The following ME2 variants were observed in gnomAD, a reference collection of about 807,000 sequenced individuals.
The protein encoded by ME2 is NAD-dependent malic enzyme, mitochondrial.
ME2 carries 60 observed loss-of-function variants against 73.7 expected under a neutral mutation model. The ratio of observed to expected loss-of-function variants is 0.81; its 90% CI spans 0.66 to 1.01. ME2 has a LOEUF of 1.01. Among genes scored for constraint, ME2 ranks in the 50% least tolerant of loss-of-function variants. The pLI is 0.00. For synonymous variants in ME2, 199 were observed against 236.9 expected, an observed-to-expected ratio of 0.84 and a Z score of 1.47; for missense variants, 594 against 705.5, an observed-to-expected ratio of 0.84 and a Z score of 1.79.
intron 10 of ME2, among the ~76,000 whole-genome samples, chr18:50,923,341 G>C (rs1318979821): frequency 6.6e-6 from 1 of 152,130 alleles, no homozygotes; most frequent in East Asian, 1.9e-4. Flanking sequence ...GAAGCTCTTT[G>C]TAATCTTAAC....
chr18:50,924,701 T>C lies in ME2; in HGVS notation c.1171+489T>C, dbSNP rs922825410. Among the ~76,000 whole-genome samples the C allele has an allele frequency of 4.0e-5, 6 of 151,790 alleles. No homozygotes were observed. In the East Asian group the frequency reaches 5.9e-4, roughly 15 times the overall value. ...GTAAGTTTTTTTGTTTTCTTGTTTT[T>C]TGTTTTTTTTTTTGAGACAGAGTCT... On this transcript the variant is annotated intron_variant, in intron 11 of 15. Coordinates refer to ENST00000321341, the MANE Select transcript of ME2 (RefSeq NM_002396.5).
chr18:50,925,442 A>G (rs1455373525), intron 11 of ME2, among the ~76,000 whole-genome samples: 5 of 152,144 alleles, frequency 3.3e-5, no homozygotes, highest in African/African-American at 1.2e-4. Context: ...TTGTGCCACT[A>G]CACTCCAGTC....
rs556691555 is a variant in ME2, at chr18:50,909,825, G to C, written c.242+1629G>C. Among the ~76,000 whole-genome samples, 4 of 152,048 alleles carry C rather than the reference G, an allele frequency of 2.6e-5. No homozygotes were observed. The East Asian group carries it at 7.8e-4, about 30-fold the overall frequency. On this transcript the variant is annotated intron_variant, in intron 3 of 15. Coordinates refer to ENST00000321341, the MANE Select transcript of ME2 (RefSeq NM_002396.5). ...TTAGGAGGAATGAGCCCAGGAGAAA[G>C]GATAATTGTTAGAGCAAGGTCTAGG...
chr18:50,945,928 A>G (rs1035128987), intron 15 of ME2, among the ~76,000 whole-genome samples: 2 of 152,082 alleles, frequency 1.3e-5, no homozygotes, highest in African/African-American at 4.8e-5. Flanking sequence ...TTTACCAGGC[A>G]TGGTGTTGCA....
At chr18:50,887,736 T>A (rs993331724) in intron 1 of ME2, among the ~76,000 whole-genome samples, 1 of 152,144 alleles carries the variant, frequency 6.6e-6, no homozygotes, top group South Asian at 2.1e-4. Flanking sequence ...TAAAACTGCC[T>A]CCAAGGGTTG....
At chr18:50,898,918 A>T (rs1237655154) in intron 2 of ME2, among the ~76,000 whole-genome samples, 6 of 152,232 alleles carry the variant, frequency 3.9e-5, no homozygotes, top group African/African-American at 1.4e-4. Context: ...TTAAAGGGCT[A>T]TACAAGTATA....
At chr18:50,917,978 AAAAAT>A in intron 6 of ME2, 127 bp from the exon 7 acceptor site, 1 of 536,758 alleles carries the variant, frequency 1.9e-6, no homozygotes, top group African/African-American at 2.0e-5. Context: ...TCAAAAAAGA[AAAAAT>A]AAAGTTTCTT....
Position 50,924,164 on chromosome 18 carries a change from G to A in ME2, c.1123G>A (p.Asp375Asn), listed in dbSNP as rs1353157782. 5.0e-6 allele frequency: 8 copies of A among 1,613,028 alleles called. No homozygotes were observed. The highest frequency in any genetic ancestry group is 6.8e-6 in the Non-Finnish European group (8 of 1,179,520). The change falls in exon 11 of 16, where the codon GAT becomes AAT. Residue 375 changes from aspartate (D) to asparagine (N), a missense_variant. By Grantham distance (23) the Asp-to-Asn change is conservative (BLOSUM62 1). Coordinates refer to ENST00000321341, the MANE Select transcript of ME2 (RefSeq NM_002396.5). ...TCACTCAGCCCCAGAGAGCATACCT[G>A]ATACTTTTGAAGATGCAGTGAATAT... Reference protein sequence around the residue: ...FTHSAPESIPDTFEDAVNILK... With the variant: ...FTHSAPESIPNTFEDAVNILK...
chr18:50,916,877 T>C (rs1917296882), intron 5 of ME2: 1 of 152,510 alleles, frequency 6.6e-6, no homozygotes, highest in Non-Finnish European at 1.5e-5. Context: ...AAACTCACAG[T>C]ATCATCTTAA....
chr18:50,915,946 G>C, intron 4 of ME2: 2 of 384,818 alleles, frequency 5.2e-6, no homozygotes, highest in Non-Finnish European at 9.3e-6. Context: ...TAAAATGACT[G>C]TATCATTTAA....
At chr18:50,900,620 A>G (rs1916866118) in intron 2 of ME2, among the ~76,000 whole-genome samples, 1 of 152,148 alleles carries the variant, frequency 6.6e-6, no homozygotes, top group African/African-American at 2.4e-5. Context: ...TTTTCAGTTG[A>G]GTGATATGAT....
At chr18:50,909,153 C>T (rs1459479349) in intron 3 of ME2, among the ~76,000 whole-genome samples, 2 of 151,326 alleles carry the variant, frequency 1.3e-5, no homozygotes, top group Non-Finnish European at 2.9e-5. Context: ...CAGGGTTTAA[C>T]CATATTGCCC....
At chr18:50,883,780 C>A (rs777515436) in intron 1 of ME2, among the ~76,000 whole-genome samples, 1 of 152,110 alleles carries the variant, frequency 6.6e-6, no homozygotes, top group Non-Finnish European at 1.5e-5. Context: ...AGGAGAATTG[C>A]TTGACCTAGG....
intron 1 of ME2, among the ~76,000 whole-genome samples, chr18:50,889,247 C>T (rs2083066187): frequency 6.6e-6 from 1 of 152,194 alleles, no homozygotes; most frequent in South Asian, 2.1e-4. Context: ...AGCCCCTAGG[C>T]AGCCTCAGGG....
At chr18:50,883,308 T>A (rs1370462500) in intron 1 of ME2, among the ~76,000 whole-genome samples, 1 of 152,176 alleles carries the variant, frequency 6.6e-6, no homozygotes, top group Non-Finnish European at 1.5e-5. Context: ...GTGAACAGTG[T>A]CTAGGGTTTT....
chr18:50,895,002 A>G (rs9947610), intron 1 of ME2, among the ~76,000 whole-genome samples: 3,058 of 152,016 alleles, frequency 0.02, 95 homozygotes, highest in African/African-American at 0.069. Context: ...GCCCCTTCAC[A>G]CATATCATGG....
chr18:50,944,789 TGA>T (rs1164122976), intron 15 of ME2, among the ~76,000 whole-genome samples: 2 of 152,122 alleles, frequency 1.3e-5, no homozygotes, highest in Non-Finnish European at 2.9e-5. Context: ...CTGCCACAAG[TGA>T]GAGTTTCTGT....
At chr18:50,888,017 A>T (rs1013247301) in intron 1 of ME2, among the ~76,000 whole-genome samples, 1 of 152,226 alleles carries the variant, frequency 6.6e-6, no homozygotes, top group Middle Eastern at 3.2e-3. Context: ...AAAGAGCTAT[A>T]TAAGAAGTTA....
At chr18:50,879,617 C>T (rs1269082423) in intron 1 of ME2, among the ~76,000 whole-genome samples, 1 of 152,248 alleles carries the variant, frequency 6.6e-6, no homozygotes, top group Non-Finnish European at 1.5e-5. Flanking sequence ...GGGAGCGAGG[C>T]CCTGGGCCTC....
Sources: gnomAD v4.1 joint callset for allele counts (sites outside exome capture counted in the v4.1 genomes callset) on GRCh38, gnomAD v4.1.1 for gene constraint, MANE v1.5 for transcripts, NCBI Gene and HGNC (gene_info 2026-07-23, HGNC 2026-07-21) for gene names.